Variants in TBC1D1 observed in about 807,000 individuals in gnomAD.
TBC1D1 encodes the protein TBC1 domain family member 1.
TBC1D1 carries 89 observed loss-of-function variants against 125.6 expected under a neutral mutation model. The observed-to-expected ratio is 0.71, with a 90% CI of 0.60 to 0.85. The LOEUF (loss-of-function observed/expected upper bound fraction) is 0.85. TBC1D1 is among the 40% of genes least tolerant of loss of function. The pLI, the probability that TBC1D1 is intolerant of heterozygous loss-of-function variation, is 0.00. For synonymous variants in TBC1D1, 565 were observed against 564.1 expected (o/e 1.00, Z -0.02); for missense variants, 1,377 against 1,469.2 (o/e 0.94, Z 1.03).
At chr4:38,018,565 A>T in intron 4 of TBC1D1, 122 bp downstream of exon 4, 1 of 570,548 alleles carries the variant, frequency 1.8e-6, no homozygotes, top group Non-Finnish European at 2.8e-6. Context: ...ACTGTACTTG[A>T]TTTGTGTTTC....
At chr4:37,942,307 T>C (rs1725733872) in intron 2 of TBC1D1, among the ~76,000 whole-genome samples, 1 of 152,220 alleles carries the variant, frequency 6.6e-6, no homozygotes, top group African/African-American at 2.4e-5. Context: ...TGATCTTTGT[T>C]GGTTTAAAGT....
At chr4:37,906,975 T>A (rs183850220) in intron 2 of TBC1D1, among the ~76,000 whole-genome samples, 33 of 152,392 alleles carry the variant, frequency 2.2e-4, no homozygotes, top group African/African-American at 7.9e-4. Context: ...ATTGTAAAGA[T>A]ATTAATTTGT....
intron 6 of TBC1D1, among the ~76,000 whole-genome samples, chr4:38,025,950 G>T (rs1283086565): frequency 6.6e-6 from 1 of 152,172 alleles, no homozygotes; most frequent in African/African-American, 2.4e-5. Context: ...CAGGCGACTT[G>T]GCTCTGCTAG....
At chr4:38,135,924 ATG>A (rs57275262) in intron 19 of TBC1D1, among the ~76,000 whole-genome samples, 50,274 of 144,838 alleles carry the variant, frequency 0.35, 8,711 homozygotes, top group African/African-American at 0.44. Flanking sequence ...GTGTGTGTAT[ATG>A]TGTGTGTGTG....
intron 8 of TBC1D1, among the ~76,000 whole-genome samples, chr4:38,040,088 CATTTT>C (rs1409717353): frequency 6.6e-6 from 1 of 151,966 alleles, no homozygotes; most frequent in Non-Finnish European, 1.5e-5. Context: ...ATTTTTTAAA[CATTTT>C]ATTTTAATTA....
At chr4:38,109,707 C>T (rs1372574030) in intron 15 of TBC1D1, among the ~76,000 whole-genome samples, 1 of 152,196 alleles carries the variant, frequency 6.6e-6, no homozygotes, top group East Asian at 1.9e-4. Context: ...CCTTAATCTC[C>T]TAACCCTGCC....
intron 3 of TBC1D1, among the ~76,000 whole-genome samples, chr4:38,017,338 G>C (rs1205184356): frequency 6.6e-6 from 1 of 152,188 alleles, no homozygotes; most frequent in Non-Finnish European, 1.5e-5. Flanking sequence ...GTCTAGTTTA[G>C]AAAGATGTTG....
chr4:38,097,315 A>C (rs1258226720), intron 14 of TBC1D1, among the ~76,000 whole-genome samples: 10 of 147,652 alleles, frequency 6.8e-5, no homozygotes, highest in Admixed American at 6.1e-4. Context: ...GGCGCCCGGC[A>C]CCATGCCTGG....
At chr4:38,120,077 G>A in intron 17 of TBC1D1, 1 of 985,402 alleles carries the variant, frequency 1.0e-6, no homozygotes, top group Non-Finnish European at 1.2e-6. Context: ...TCACTCTAAT[G>A]ACTTCATAAA....
rs555894054 is a variant in TBC1D1 at position 37,988,843 on chromosome 4, G to A, written c.418-25666G>A. On this transcript the variant is annotated intron_variant, in intron 2 of 19. Coordinates refer to ENST00000261439, the MANE Select transcript of TBC1D1 (RefSeq NM_015173.4). ...AACTCGTTCAGGTCGTGATGGGAAA[G>A]GGGACATGCTTCATTACACCTTCCT... Among the ~76,000 whole-genome samples, 32 of 152,286 alleles carry A rather than the reference G, an allele frequency of 2.1e-4. 1 individual carries two copies. Among genetic ancestry groups the A allele is most frequent in the Admixed American group, 2.1e-3 (32 of 15,288 alleles).
intron 7 of TBC1D1, among the ~76,000 whole-genome samples, chr4:38,030,030 GT>G (rs1483224650): frequency 6.6e-6 from 1 of 152,190 alleles, no homozygotes; most frequent in African/African-American, 2.4e-5. Flanking sequence ...CCCACTTACT[GT>G]TCTAGAGCTG....
intron 12 of TBC1D1, among the ~76,000 whole-genome samples, chr4:38,081,237 C>T (rs1248090115): frequency 3.3e-5 from 5 of 152,158 alleles, no homozygotes; most frequent in Non-Finnish European, 5.9e-5. Flanking sequence ...TTTCTGTGCT[C>T]AGGGCGCCAT....
chr4:37,968,790 G>A (rs1440293871), intron 2 of TBC1D1, among the ~76,000 whole-genome samples: 2 of 145,102 alleles, frequency 1.4e-5, no homozygotes, highest in African/African-American at 2.7e-5. Context: ...CAGGCAAGGA[G>A]GGATTGGAGG....
chr4:37,895,036 G>A lies in TBC1D1; in HGVS notation c.-94+3688G>A, dbSNP rs1560444417. On this transcript the variant is annotated intron_variant, in intron 1 of 19. Coordinates refer to ENST00000261439, the MANE Select transcript of TBC1D1 (RefSeq NM_015173.4). The stretch of plus-strand genomic sequence containing the variant: ...TAAAATGTCCATGAAGTGGTAGGTG[G>A]TCAACAGATATTGCTCTAGCAAAGT... Among the ~76,000 whole-genome samples the A allele has an allele frequency of 2.6e-5, 4 of 152,326 alleles. No individual in the cohort carries two copies. The South Asian group carries it at 8.3e-4, about 32-fold the overall frequency.
intron 2 of TBC1D1, among the ~76,000 whole-genome samples, chr4:37,935,185 G>A (rs777727945): frequency 4.6e-5 from 7 of 152,052 alleles, no homozygotes; most frequent in South Asian, 2.1e-4. Flanking sequence ...AATATAGTCC[G>A]CCACATGATT....
chr4:38,098,513 C>G (rs897153502), intron 14 of TBC1D1, among the ~76,000 whole-genome samples: 1 of 152,166 alleles, frequency 6.6e-6, no homozygotes, highest in African/African-American at 2.4e-5. Context: ...AAGTTGGGCA[C>G]AGATGATTGA....
chr4:37,940,363 G>A (rs146195809), intron 2 of TBC1D1, among the ~76,000 whole-genome samples: 14 of 152,086 alleles, frequency 9.2e-5, no homozygotes, highest in African/African-American at 1.7e-4. Flanking sequence ...TGATTTTTGC[G>A]CATTGATTTT....
intron 2 of TBC1D1, among the ~76,000 whole-genome samples, chr4:38,008,992 A>G (rs1740917043): frequency 6.6e-6 from 1 of 152,200 alleles, no homozygotes; most frequent in African/African-American, 2.4e-5. Flanking sequence ...CCTGTGTCCT[A>G]TCTAGATAGC....
At chr4:37,897,620 C>A (rs1714934929) in intron 1 of TBC1D1, among the ~76,000 whole-genome samples, 1 of 152,192 alleles carries the variant, frequency 6.6e-6, no homozygotes, top group African/African-American at 2.4e-5. Flanking sequence ...GTACTGTGTA[C>A]ATCTATACTC....
Sources: allele counts gnomAD v4.1 joint callset (sites outside exome capture counted in the v4.1 genomes callset), GRCh38; gene constraint gnomAD v4.1.1; transcripts MANE v1.5; gene names NCBI Gene and HGNC (gene_info 2026-07-23, HGNC 2026-07-21).